Variants in DPP6 observed in about 807,000 individuals in gnomAD.
The protein encoded by DPP6 is dipeptidyl peptidase like 6.
In DPP6, 69 loss-of-function variants were observed where a neutral mutation model predicts 122.6. The ratio of observed to expected loss-of-function variants is 0.56; its 90% confidence interval spans 0.46 to 0.69. DPP6 has a LOEUF of 0.69. Among genes scored for constraint, DPP6 ranks in the 30% least tolerant of loss-of-function variants. DPP6 has a pLI of 0.00. For synonymous variants in DPP6, 418 were observed against 433.1 expected, an observed-to-expected ratio of 0.97 and a Z score of 0.43; for missense variants, 928 against 1,116.9, an observed-to-expected ratio of 0.83 and a Z score of 2.41.
chr7:153,953,642 G>A (rs946863753), intron 1 of DPP6, among the ~76,000 whole-genome samples: 7 of 152,142 alleles, frequency 4.6e-5, no homozygotes, highest in Non-Finnish European at 2.9e-5. Flanking sequence ...GGAAGGAAAT[G>A]GTAAATATCA....
the DPP6 span, among the ~76,000 whole-genome samples, chr7:153,854,005 C>T: frequency 0.27 from 39,334 of 146,606 alleles, 6,059 homozygotes; most frequent in Admixed American, 0.34. Context: ...TTTAATCCAT[C>T]TTGAATTGAT....
intron 1 of DPP6, among the ~76,000 whole-genome samples, chr7:154,442,621 A>C (rs924117389): frequency 6.6e-6 from 1 of 152,138 alleles, no homozygotes; most frequent in Non-Finnish European, 1.5e-5. Context: ...TTTGGCCTAG[A>C]GGTAGAAAGA....
chr7:154,832,852 G>A (rs2150526468), intron 16 of DPP6, among the ~76,000 whole-genome samples: 2 of 152,352 alleles, frequency 1.3e-5, no homozygotes, highest in South Asian at 2.1e-4. Flanking sequence ...AGGGAATGGT[G>A]TTGCCTCCAA....
At chr7:153,785,893 G>GTT in the DPP6 span, among the ~76,000 whole-genome samples, 287 of 145,918 alleles carry the variant, frequency 2.0e-3, 1 homozygote, top group South Asian at 4.1e-3. Flanking sequence ...TTTTAAAACT[G>GTT]TTTTTTTTTT....
intron 1 of DPP6, among the ~76,000 whole-genome samples, chr7:154,239,410 C>T (rs996381763): frequency 6.6e-6 from 1 of 152,148 alleles, no homozygotes; most frequent in African/African-American, 2.4e-5. Context: ...CCTTCCTCTT[C>T]CTCCTCCTCA....
chr7:154,885,631 A>C lies in DPP6; in HGVS notation c.2134-2A>C. The C allele has an allele frequency of 6.4e-7, 1 of 1,566,942 alleles. No homozygotes were observed. Reference sequence around the variant, plus strand: ...ACTGTCTTCTCTCTGCGCTTTCTCCAGGATTACGGTGGCTACCTGAGCACC... The same window carrying C: ...ACTGTCTTCTCTCTGCGCTTTCTCCCGGATTACGGTGGCTACCTGAGCACC... On this transcript the variant is annotated splice_acceptor_variant, in intron 21 of 25. Transcript: ENST00000377770. LOFTEE classifies it high-confidence loss of function.
intron 1 of DPP6, among the ~76,000 whole-genome samples, chr7:154,274,522 T>C (rs1804001172): frequency 6.6e-6 from 1 of 152,196 alleles, no homozygotes; most frequent in East Asian, 1.9e-4. Context: ...AGGTGAGTCC[T>C]TCACCTCTTG....
intron 4 of DPP6, among the ~76,000 whole-genome samples, chr7:154,552,081 A>C (rs1260515622): frequency 6.6e-6 from 1 of 152,186 alleles, no homozygotes; most frequent in African/African-American, 2.4e-5. Flanking sequence ...GCTTATGACC[A>C]TGCCAAGTTA....
chr7:154,708,822 C>T (rs921418682), intron 7 of DPP6, among the ~76,000 whole-genome samples: 33 of 152,208 alleles, frequency 2.2e-4, no homozygotes, highest in South Asian at 1.0e-3. Flanking sequence ...CAGAGACAGA[C>T]GGAATACCTG....
chr7:154,250,517 A>G (rs1286750899), intron 1 of DPP6, among the ~76,000 whole-genome samples: 3 of 152,240 alleles, frequency 2.0e-5, no homozygotes, highest in Non-Finnish European at 1.5e-5. Flanking sequence ...GAATTCAAGT[A>G]GGAGACAAAT....
At position 154,332,027 on chromosome 7, in the gene DPP6, C is replaced by T. The variant is rs741220; in HGVS notation, c.244-114187C>T. On this transcript the variant is annotated intron_variant, in intron 1 of 25. Coordinates refer to ENST00000377770, the MANE Select transcript of DPP6 (RefSeq NM_130797.4). The stretch of plus-strand genomic sequence containing the variant: ...ATCATAGAAAGTAAGAAATACAGGA[C>T]TCAAAAATGTGTTCTTCATTATGTC... Among the ~76,000 whole-genome samples, 1,246 of 151,894 alleles carry T rather than the reference C, an allele frequency of 8.2e-3. 11 individuals carry two copies. Among genetic ancestry groups the T allele is most frequent in the Non-Finnish European group, 0.015 (992 of 67,972 alleles).
chr7:154,598,114 A>G (rs1011804206), intron 5 of DPP6, among the ~76,000 whole-genome samples: 1 of 152,202 alleles, frequency 6.6e-6, no homozygotes, highest in Non-Finnish European at 1.5e-5. Flanking sequence ...AAAAGAGAAA[A>G]TTTGGTAATT....
chr7:154,359,911 C>T (rs75640533), intron 1 of DPP6, among the ~76,000 whole-genome samples: 4,803 of 152,236 alleles, frequency 0.032, 104 homozygotes, highest in Non-Finnish European at 0.049. Flanking sequence ...AAGTCTAGAA[C>T]GCCGTAGGAA....
intron 1 of DPP6, among the ~76,000 whole-genome samples, chr7:154,059,894 CTAGT>C (rs1801427073): frequency 6.6e-6 from 1 of 151,802 alleles, no homozygotes; most frequent in Non-Finnish European, 1.5e-5. Context: ...AACTGCCCTG[CTAGT>C]ACAAGAAGCA....
intron 10 of DPP6, among the ~76,000 whole-genome samples, chr7:154,790,872 A>T (rs1405379605): frequency 6.7e-6 from 1 of 150,214 alleles, no homozygotes; most frequent in Non-Finnish European, 1.5e-5. Flanking sequence ...GGAGGGAGGG[A>T]AAAAAGAGAT....
chr7:154,062,340 C>T (rs1421214295), intron 1 of DPP6, among the ~76,000 whole-genome samples: 3 of 50,434 alleles, frequency 5.9e-5, no homozygotes, highest in Non-Finnish European at 1.2e-4. Flanking sequence ...AGGCACCCCC[C>T]GCGAGGGTGG....
At chr7:153,815,063 C>G in the DPP6 span, among the ~76,000 whole-genome samples, 1 of 152,164 alleles carries the variant, frequency 6.6e-6, no homozygotes. Flanking sequence ...CAGGGATGGC[C>G]TCTCTCACCA....
chr7:154,864,142 C>T (rs758947017), intron 17 of DPP6, among the ~76,000 whole-genome samples: 1 of 152,170 alleles, frequency 6.6e-6, no homozygotes, highest in African/African-American at 2.4e-5. Flanking sequence ...TAAGCCTCTG[C>T]GTGCACACAC....
the DPP6 span, among the ~76,000 whole-genome samples, chr7:153,821,163 G>A: frequency 1.3e-4 from 19 of 151,952 alleles, no homozygotes; most frequent in Non-Finnish European, 2.4e-4. Flanking sequence ...CAGTAAAAGT[G>A]GTAAAATACA....
Sources: allele counts gnomAD v4.1 joint callset (sites outside exome capture counted in the v4.1 genomes callset), GRCh38; gene constraint gnomAD v4.1.1; transcripts MANE v1.5; gene names NCBI Gene and HGNC (gene_info 2026-07-23, HGNC 2026-07-21).